The following ITGB3BP variants were observed in gnomAD, a reference collection of about 807,000 sequenced individuals.
The protein encoded by ITGB3BP is centromere protein R.
Under a neutral mutation model 29.1 loss-of-function variants are expected in ITGB3BP, and 27 were observed. That is an observed-to-expected ratio of 0.93 (90% CI 0.68 to 1.28). ITGB3BP has a LOEUF of 1.28. Ranked by LOEUF, ITGB3BP falls within the 50% of genes most tolerant of loss-of-function variation. ITGB3BP has a pLI of 0.00. For synonymous variants in ITGB3BP, 61 were observed against 61.4 expected (o/e 0.99, Z 0.03); for missense variants, 192 against 200.2 (o/e 0.96, Z 0.25).
At chr1:63,508,836 C>T (rs186407188) in intron 1 of ITGB3BP, among the ~76,000 whole-genome samples, 7 of 151,938 alleles carry the variant, frequency 4.6e-5, no homozygotes, top group South Asian at 2.1e-4. Flanking sequence ...CAAGGACTAC[C>T]GTACAATTTA....
intron 4 of ITGB3BP, among the ~76,000 whole-genome samples, chr1:63,459,697 A>T (rs748215107): frequency 2.6e-5 from 4 of 152,176 alleles, no homozygotes; most frequent in Non-Finnish European, 5.9e-5. Context: ...AAACTGAAGT[A>T]CCAATAAATT....
intron 4 of ITGB3BP, among the ~76,000 whole-genome samples, chr1:63,470,597 T>C (rs1511054): frequency 0.21 from 32,483 of 152,142 alleles, 4,037 homozygotes; most frequent in African/African-American, 0.35. Flanking sequence ...TTGTTAGCTA[T>C]AGATAATTTT....
upstream of ITGB3BP, among the ~76,000 whole-genome samples, chr1:63,525,032 G>A (rs1192010004): frequency 6.6e-6 from 1 of 152,142 alleles, no homozygotes; most frequent in Non-Finnish European, 1.5e-5. Context: ...ATCCTGCTGT[G>A]GAAGATGGGT....
chr1:63,526,113 A>G (rs1557667079), upstream of ITGB3BP, among the ~76,000 whole-genome samples: 1 of 152,248 alleles, frequency 6.6e-6, no homozygotes, highest in Non-Finnish European at 1.5e-5. Context: ...TACTGAGGAA[A>G]GTGTAAAGGA....
At chr1:63,516,365 AAG>A (rs1491588306) in intron 1 of ITGB3BP, among the ~76,000 whole-genome samples, 17 of 38,350 alleles carry the variant, frequency 4.4e-4, no homozygotes, top group Non-Finnish European at 8.4e-4. Flanking sequence ...GGTGGGGGAG[AAG>A]GGGGGGGGAA....
chr1:63,525,204 G>GT (rs966922852), upstream of ITGB3BP, among the ~76,000 whole-genome samples: 10 of 152,026 alleles, frequency 6.6e-5, no homozygotes, highest in Non-Finnish European at 1.3e-4. Context: ...TCTGACTTTC[G>GT]TATTTTGAGA....
chr1:63,449,061 GAA>G (rs1644827328), intron 7 of ITGB3BP, among the ~76,000 whole-genome samples: 1 of 152,126 alleles, frequency 6.6e-6, no homozygotes, highest in Non-Finnish European at 1.5e-5. Flanking sequence ...ATGTTTCAAA[GAA>G]AATATATTGT....
At chr1:63,494,005 A>G (rs1423703964) in intron 2 of ITGB3BP, among the ~76,000 whole-genome samples, 1 of 152,204 alleles carries the variant, frequency 6.6e-6, no homozygotes, top group Non-Finnish European at 1.5e-5. Context: ...GGAGTGTCCC[A>G]CCTAAGATAT....
At chr1:63,444,896 TA>T (rs898503390) in intron 8 of ITGB3BP, among the ~76,000 whole-genome samples, 21 of 152,066 alleles carry the variant, frequency 1.4e-4, no homozygotes, top group African/African-American at 5.1e-4. Context: ...GCCTTACCTA[TA>T]AAATAAAAGT....
chr1:63,495,931 G>C (rs572347666), intron 2 of ITGB3BP, among the ~76,000 whole-genome samples: 47 of 152,234 alleles, frequency 3.1e-4, no homozygotes, highest in Non-Finnish European at 5.6e-4. Flanking sequence ...AGGTAGATTA[G>C]GGCAGGGCTT....
upstream of ITGB3BP, among the ~76,000 whole-genome samples, chr1:63,527,623 A>G (rs1211162071): frequency 6.6e-6 from 1 of 152,208 alleles, no homozygotes; most frequent in Non-Finnish European, 1.5e-5. Context: ...TGATATTTTT[A>G]CTATCATCAA....
At chr1:63,452,598 C>T (rs1255213657) in intron 7 of ITGB3BP, among the ~76,000 whole-genome samples, 3 of 151,328 alleles carry the variant, frequency 2.0e-5, no homozygotes, top group Non-Finnish European at 4.4e-5. Context: ...TACAATCCTG[C>T]CTCTAAATTT....
chr1:63,496,417 T>C (rs899493669), intron 2 of ITGB3BP, among the ~76,000 whole-genome samples: 3 of 152,152 alleles, frequency 2.0e-5, no homozygotes, highest in African/African-American at 7.2e-5. Context: ...TTTGAACAAC[T>C]GTACCTTGGT....
In ITGB3BP at chr1:63,523,115, G is replaced by A. The variant is rs1646500111; in HGVS notation, c.5+14C>T. On this transcript the variant is annotated intron_variant, in intron 1 of 8. Coordinates refer to ENST00000271002, the MANE Select transcript of ITGB3BP (RefSeq NM_014288.5). ...GGCCCCCAAAACAGCAATACCTGGG[G>A]AGGAGATACCTACGGCATTCTGAGA... 2 of 1,614,146 alleles carry A rather than the reference G, an allele frequency of 1.2e-6. No individual in the cohort carries two copies. The highest frequency in any genetic ancestry group is 1.3e-5 in the African/African-American group (1 of 75,048).
intron 2 of ITGB3BP, among the ~76,000 whole-genome samples, chr1:63,502,724 C>G (rs369086506): frequency 2.1e-5 from 3 of 142,932 alleles, no homozygotes; most frequent in Admixed American, 7.3e-5. Context: ...TCCATGTGTT[C>G]TCGTTGTTCA....
rs563177043 is a variant in ITGB3BP, at chr1:63,445,235, G to A, written c.*1+1571C>T. Among the ~76,000 whole-genome samples the A allele has an allele frequency of 5.1e-4, 77 of 152,184 alleles. No individual in the cohort carries two copies. In the East Asian group the frequency reaches 0.013, roughly 26 times the overall value. ...CAGGAGGTGGAGGTTTCAGTGAGCCGAGATCGTGCCACTGCACTCCAGCCT... is the reference window on the plus strand; with the variant it reads ...CAGGAGGTGGAGGTTTCAGTGAGCCAAGATCGTGCCACTGCACTCCAGCCT... On this transcript the variant is annotated intron_variant, in intron 8 of 8. Transcript: ENST00000271002.
intron 4 of ITGB3BP, among the ~76,000 whole-genome samples, chr1:63,473,468 G>A (rs1645251845): frequency 7.0e-6 from 1 of 142,794 alleles, no homozygotes; most frequent in South Asian, 2.3e-4. Flanking sequence ...GTCCAGGAGG[G>A]AGGTGGGGGG....
chr1:63,454,429 G>A lies in ITGB3BP; in HGVS notation c.378C>T (p.Ser126=), dbSNP rs760270999. 1.0e-5 allele frequency: 16 copies of A among 1,604,578 alleles called. No homozygotes were observed. Among genetic ancestry groups the A allele is most frequent in the Non-Finnish European group, 1.4e-5 (16 of 1,174,016 alleles). Residue 126 remains serine (S), a synonymous_variant, in exon 6 of 9, where the codon TCC becomes TCT. Coordinates refer to ENST00000271002, the MANE Select transcript of ITGB3BP (RefSeq NM_014288.5). The surrounding 1 kb of genome is among the most constrained non-coding windows in gnomAD (Gnocchi z 4.1). Reference sequence around the variant, plus strand: ...CTCTTTTTAAGAAATGTGATGCACAGGAGATTCCAATGAGATTTTCAAGCT... The same window carrying A: ...CTCTTTTTAAGAAATGTGATGCACAAGAGATTCCAATGAGATTTTCAAGCT... The part of the protein sequence containing the change: ...SRELENLIGI[S]CASHFLKREM...
intron 2 of ITGB3BP, among the ~76,000 whole-genome samples, chr1:63,499,868 T>C (rs1645881776): frequency 6.6e-6 from 1 of 152,136 alleles, no homozygotes; most frequent in African/African-American, 2.4e-5. Context: ...TATGAAAAAC[T>C]CAGAGCTAAC....
Sources: gnomAD v4.1 joint callset for allele counts (sites outside exome capture counted in the v4.1 genomes callset) on GRCh38, gnomAD v4.1.1 for gene constraint, Gnocchi (gnomAD v3.1) non-coding constraint, MANE v1.5 for transcripts, NCBI Gene and HGNC (gene_info 2026-07-23, HGNC 2026-07-21) for gene names.